CDH13: variants seen among roughly 807,000 people sequenced by gnomAD.
CDH13 encodes the protein cadherin 13.
Under a neutral mutation model 63.8 loss-of-function variants are expected in CDH13, and 24 were observed. That is an observed-to-expected ratio of 0.38 (90% confidence interval 0.27 to 0.53). The LOEUF is 0.53. Among genes scored for constraint, CDH13 ranks in the 20% least tolerant of loss-of-function variants. The pLI is 0.85. For synonymous variants in CDH13, 503 were observed against 355.3 expected (o/e 1.42, Z -4.67); for missense variants, 1,049 against 903.1 (o/e 1.16, Z -2.07).
At chr16:83,739,412 G>A (rs375291792) in intron 10 of CDH13, among the ~76,000 whole-genome samples, 4 of 152,192 alleles carry the variant, frequency 2.6e-5, no homozygotes, top group Non-Finnish European at 4.4e-5. Flanking sequence ...TCCCCAGGAT[G>A]TTGCCCCATG....
intron 1 of CDH13, among the ~76,000 whole-genome samples, chr16:82,763,117 G>A (rs1213241348): frequency 3.3e-5 from 5 of 152,110 alleles, no homozygotes; most frequent in Admixed American, 2.6e-4. Flanking sequence ...TCCTTGTACC[G>A]CAGGGCCTTT....
intron 6 of CDH13, among the ~76,000 whole-genome samples, chr16:83,410,703 C>T (rs2092113488): frequency 6.6e-6 from 1 of 152,094 alleles, no homozygotes; most frequent in South Asian, 2.1e-4. Flanking sequence ...CTTTATTCTC[C>T]ATTGAACTTT....
chr16:83,207,578 C>T (rs139314476), intron 4 of CDH13, among the ~76,000 whole-genome samples: 278 of 152,170 alleles, frequency 1.8e-3, no homozygotes, highest in African/African-American at 6.1e-3. Flanking sequence ...GTGAGAAATC[C>T]TACAGAATGC....
rs146904927 is a variant in CDH13 at position 83,561,169 on chromosome 16, G to A, written c.961-41285G>A. Among the ~76,000 whole-genome samples, 520 of 152,040 alleles carry A rather than the reference G, an allele frequency of 3.4e-3. 1 individual carries two copies. The highest frequency in any genetic ancestry group is 5.6e-3 in the Non-Finnish European group (382 of 67,974). ...ATTCCTTCAAAAGAGACTTCAGGCC[G>A]GGCGCAGTGGCTCACACATATAATC... On this transcript the variant is annotated intron_variant, in intron 7 of 13. Coordinates refer to ENST00000567109, the MANE Select transcript of CDH13 (RefSeq NM_001257.5).
intron 3 of CDH13, among the ~76,000 whole-genome samples, chr16:83,046,775 C>T (rs138829703): frequency 6.6e-6 from 1 of 152,294 alleles, no homozygotes; most frequent in African/African-American, 2.4e-5. Flanking sequence ...TTCAGTTGGC[C>T]TGAGATTGTT....
intron 8 of CDH13, among the ~76,000 whole-genome samples, chr16:83,668,048 G>A (rs573491842): frequency 6.6e-6 from 1 of 152,302 alleles, no homozygotes; most frequent in East Asian, 1.9e-4. Context: ...CACCAGCCAT[G>A]ACGCAGCTCT....
chr16:83,325,645 C>T (rs894627453), intron 5 of CDH13, among the ~76,000 whole-genome samples: 7 of 152,108 alleles, frequency 4.6e-5, no homozygotes, highest in Admixed American at 6.5e-5. Flanking sequence ...CATAACTCGA[C>T]GACCTCTATT....
chr16:83,234,532 G>T (rs377047149), intron 5 of CDH13, among the ~76,000 whole-genome samples: 78 of 152,302 alleles, frequency 5.1e-4, no homozygotes, highest in African/African-American at 1.8e-3. Flanking sequence ...TCCTGCTCCA[G>T]TGCAACTGAT....
intron 2 of CDH13, among the ~76,000 whole-genome samples, chr16:82,911,002 G>C (rs894910001): frequency 6.6e-6 from 1 of 152,160 alleles, no homozygotes; most frequent in Non-Finnish European, 1.5e-5. Context: ...TGATGCTGAG[G>C]TTGGTGTACA....
intron 5 of CDH13, among the ~76,000 whole-genome samples, chr16:83,249,250 C>T (rs769219351): frequency 1.1e-4 from 16 of 152,286 alleles, no homozygotes; most frequent in African/African-American, 2.4e-4. Flanking sequence ...GTGGTTGGCA[C>T]GCTTGAGCCA....
At chr16:83,220,334 T>A (rs2039660574) in intron 5 of CDH13, among the ~76,000 whole-genome samples, 1 of 152,224 alleles carries the variant, frequency 6.6e-6, no homozygotes, top group Non-Finnish European at 1.5e-5. Context: ...AATGTTGCAA[T>A]TTCCGTTCAT....
intron 1 of CDH13, among the ~76,000 whole-genome samples, chr16:82,743,573 C>A (rs556139453): frequency 6.6e-6 from 1 of 152,234 alleles, no homozygotes; most frequent in South Asian, 2.1e-4. Context: ...AATGCTCCAG[C>A]AAAGACATTA....
intron 7 of CDH13, among the ~76,000 whole-genome samples, chr16:83,554,637 C>G (rs937212509): frequency 1.3e-5 from 2 of 151,986 alleles, no homozygotes. Context: ...CAAAAGACTG[C>G]AAAAACCACA....
intron 4 of CDH13, among the ~76,000 whole-genome samples, chr16:83,208,288 G>A (rs1441143479): frequency 1.3e-5 from 2 of 152,174 alleles, no homozygotes; most frequent in African/African-American, 2.4e-5. Context: ...CAGCATAAGG[G>A]TGAGAGAAAA....
At chr16:83,522,676 A>T (rs4284623) in intron 7 of CDH13, among the ~76,000 whole-genome samples, 20 of 152,078 alleles carry the variant, frequency 1.3e-4, no homozygotes, top group African/African-American at 4.8e-4. Context: ...TCTCATCAGC[A>T]GGTGGGCGGC....
chr16:83,617,327 C>T (rs1909368542), intron 8 of CDH13, among the ~76,000 whole-genome samples: 1 of 152,026 alleles, frequency 6.6e-6, no homozygotes. Context: ...ACCTGTATAC[C>T]ATTATATGCT....
chr16:83,180,875 C>A (rs7188594), intron 4 of CDH13: 578,544 of 1,516,294 alleles, frequency 0.38, 118,331 homozygotes, highest in African/African-American at 0.77. Context: ...TACAGAGAAC[C>A]CACAATCCTA....
intron 1 of CDH13, among the ~76,000 whole-genome samples, chr16:82,701,659 G>A (rs182975475): frequency 2.0e-5 from 3 of 151,986 alleles, no homozygotes; most frequent in East Asian, 3.9e-4. Context: ...TGGTGATAAC[G>A]TGGCTTCCAG....
At chr16:83,276,642 G>T (rs928850439) in intron 5 of CDH13, among the ~76,000 whole-genome samples, 3 of 152,074 alleles carry the variant, frequency 2.0e-5, no homozygotes, top group African/African-American at 4.8e-5. Flanking sequence ...AGGCCAAGTC[G>T]GGAGGATCAC....
Sources: gnomAD v4.1 joint callset for allele counts (sites outside exome capture counted in the v4.1 genomes callset) on GRCh38, gnomAD v4.1.1 for gene constraint, MANE v1.5 for transcripts, NCBI Gene and HGNC (gene_info 2026-07-23, HGNC 2026-07-21) for gene names.